IGF2R: variants seen among roughly 807,000 people sequenced by gnomAD.
IGF2R encodes cation-independent mannose-6-phosphate receptor.
A neutral mutation model predicts 270.6 loss-of-function variants in IGF2R; 91 were observed. That is an observed-to-expected ratio of 0.34 (90% CI 0.28 to 0.40). The LOEUF is 0.40. IGF2R is among the 10% of genes least tolerant of loss of function. The pLI, the probability that IGF2R is intolerant of heterozygous loss-of-function variation, is 1.00. For synonymous variants in IGF2R, 1,316 were observed against 1,258.9 expected (o/e 1.05, Z -0.96); for missense variants, 2,805 against 3,188.3 (o/e 0.88, Z 2.90).
intron 6 of IGF2R, among the ~76,000 whole-genome samples, chr6:160,028,582 G>A (rs1254037430): frequency 6.6e-6 from 1 of 152,234 alleles, no homozygotes; most frequent in Non-Finnish European, 1.5e-5. Flanking sequence ...CTATTCTCTA[G>A]CAGGCAGCCA....
At chr6:160,082,727 C>CT (rs1446696914) in intron 39 of IGF2R, among the ~76,000 whole-genome samples, 1 of 152,218 alleles carries the variant, frequency 6.6e-6, no homozygotes, top group Non-Finnish European at 1.5e-5. Flanking sequence ...TGCCAAGGAG[C>CT]TGGGTCTATT....
At chr6:160,016,653 T>A (rs555748497) in intron 4 of IGF2R, among the ~76,000 whole-genome samples, 1 of 152,292 alleles carries the variant, frequency 6.6e-6, no homozygotes, top group East Asian at 1.9e-4. Context: ...TCAGTTACCA[T>A]CATCCCTCAC....
chr6:160,050,644 G>A lies in IGF2R; in HGVS notation c.2686G>A (p.Gly896Ser), dbSNP rs1778175751. 1.9e-6 allele frequency: 3 copies of A among 1,602,992 alleles called. No homozygotes were observed. Among genetic ancestry groups the A allele is most frequent in the East Asian group, 4.5e-5 (2 of 44,516 alleles). ...GAGGATCCATCTCGTCTGCTCCAGG[G>A]GCAGGCTGGTAAGGCACTGCTGCTG... ...TTRIHLVCSRGRLNSHPIFSL... is the reference protein window; with the variant it reads ...TTRIHLVCSRSRLNSHPIFSL... The change falls in exon 19 of 48, where the codon GGC (glycine) becomes AGC (serine). Residue 896 changes from glycine to serine, a missense_variant. Around this residue, in one of 2 missense-constraint regions of IGF2R, gnomAD observed 1,851 missense variants for 2,207.2 expected, o/e 0.84. Transcript: ENST00000356956. This position sits in a 1 kb window ranked among gnomAD's most constrained non-coding sequence, Gnocchi z 4.0.
At chr6:160,068,105 T>A (rs1015027072) in intron 29 of IGF2R, 144 bp from the exon 30 acceptor site, 4 of 657,710 alleles carry the variant, frequency 6.1e-6, no homozygotes, top group Admixed American at 2.6e-5. Flanking sequence ...TGTGTGTGTG[T>A]GTGACAGAGA....
intron 4 of IGF2R, among the ~76,000 whole-genome samples, chr6:160,019,784 A>G (rs1777390583): frequency 6.6e-6 from 1 of 152,314 alleles, no homozygotes; most frequent in African/African-American, 2.4e-5. Flanking sequence ...GACAACACTC[A>G]AAAAATATTA....
In IGF2R at chr6:160,060,584, T is replaced by G. The variant is rs1261550813; in HGVS notation, c.3129T>G (p.Asn1043Lys). 1 of 1,614,274 alleles carries G rather than the reference T, an allele frequency of 6.2e-7. No homozygotes were observed. The highest frequency in any genetic ancestry group is 8.5e-7 in the Non-Finnish European group (1 of 1,180,048). The change falls in exon 23 of 48, where the codon AAT becomes AAG. Residue 1043 changes from asparagine (N) to lysine (K), a missense_variant. This residue lies in a region of IGF2R where 1,851 missense variants were observed against 2,207.2 expected (regional missense o/e 0.84). Transcript: ENST00000356956. Reference protein sequence around the residue: ...ADAFIVRFVCNDDVYSGPLKF... With the variant: ...ADAFIVRFVCKDDVYSGPLKF... ...CTTTTATCGTCCGCTTTGTTTGCAATGATGATGTTTACTCAGGGCCCCTCA... is the reference window on the plus strand; with the variant it reads ...CTTTTATCGTCCGCTTTGTTTGCAAGGATGATGTTTACTCAGGGCCCCTCA...
At chr6:160,025,896 C>T (rs1457190802) in intron 5 of IGF2R, among the ~76,000 whole-genome samples, 1 of 152,208 alleles carries the variant, frequency 6.6e-6, no homozygotes, top group African/African-American at 2.4e-5. Context: ...TACAGATCAT[C>T]TGAATTTGCT....
Position 160,085,122 on chromosome 6 carries a change from G to A in IGF2R, c.6196G>A (p.Gly2066Ser), listed in dbSNP as rs143509112. 43 of 1,613,180 alleles carry A rather than the reference G, an allele frequency of 2.7e-5. No individual in the cohort carries two copies. Among genetic ancestry groups the A allele is most frequent in the Non-Finnish European group, 3.3e-5 (39 of 1,179,812 alleles). Residue 2066 changes from glycine to serine, a missense_variant, in exon 41 of 48, where the codon GGT becomes AGT. Gly to Ser is a moderately conservative substitution (Grantham distance 56, BLOSUM62 0). This residue lies in a region of IGF2R where 1,851 missense variants were observed against 2,207.2 expected (regional missense o/e 0.84). Coordinates refer to ENST00000356956, the MANE Select transcript of IGF2R (RefSeq NM_000876.4). Reference sequence around the variant, plus strand: ...GGGACTCGTTCACACGCAGAAGCTGGGTGTCATAGGTAAGGCCTGTGGGTC... The same window carrying A: ...GGGACTCGTTCACACGCAGAAGCTGAGTGTCATAGGTAAGGCCTGTGGGTC... Reference protein sequence around the residue: ...VLGLVHTQKLGVIGDKVVVTY... With the variant: ...VLGLVHTQKLSVIGDKVVVTY...
chr6:160,001,654 A>G (rs1181888399), intron 2 of IGF2R, among the ~76,000 whole-genome samples: 2 of 152,136 alleles, frequency 1.3e-5, no homozygotes, highest in African/African-American at 4.8e-5. Flanking sequence ...TTTAAACAAT[A>G]TTACATTATT....
chr6:160,066,547 G>A (rs1378556637), intron 29 of IGF2R, among the ~76,000 whole-genome samples: 1 of 152,148 alleles, frequency 6.6e-6, no homozygotes, highest in Non-Finnish European at 1.5e-5. Flanking sequence ...TATGTCTATT[G>A]TAATTGAGAG....
chr6:160,058,729 C>G (rs1000463701), intron 21 of IGF2R, among the ~76,000 whole-genome samples, 177 bp from the exon 22 acceptor site: 1 of 152,178 alleles, frequency 6.6e-6, no homozygotes, highest in Non-Finnish European at 1.5e-5. Flanking sequence ...TTTATAGATA[C>G]TGCCCTTTGG....
In IGF2R at chr6:160,104,773, G is replaced by A. The variant is rs368895158; in HGVS notation, c.7165G>A (p.Gly2389Ser). Residue 2389 changes from glycine (G) to serine (S), a missense_variant, in exon 48 of 48, where the codon GGC becomes AGC. This residue lies in a region of IGF2R where 1,851 missense variants were observed against 2,207.2 expected (regional missense o/e 0.84). Coordinates refer to ENST00000356956, the MANE Select transcript of IGF2R (RefSeq NM_000876.4). The part of the protein sequence containing the change: ...PRQGKEGQEN[G>S]HITTKSVKAL... ...GCAGGGAAAGGAAGGGCAGGAGAACGGCCATATTACCACCAAGTCAGTGAA... is the reference window on the plus strand; with the variant it reads ...GCAGGGAAAGGAAGGGCAGGAGAACAGCCATATTACCACCAAGTCAGTGAA... 5 of 1,614,132 alleles carry A rather than the reference G, an allele frequency of 3.1e-6. No homozygotes were observed. Among genetic ancestry groups the A allele is most frequent in the South Asian group, 2.2e-5 (2 of 91,074 alleles).
At chr6:160,100,693 T>C (rs1461868512) in intron 45 of IGF2R, among the ~76,000 whole-genome samples, 3 of 139,416 alleles carry the variant, frequency 2.2e-5, no homozygotes, top group East Asian at 4.2e-4. Flanking sequence ...TAGCAAAAAT[T>C]AACCACAAAG....
At position 160,105,056 on chromosome 6, in the gene IGF2R, A is replaced by G; in HGVS notation, c.7448A>G (p.Asp2483Gly). ...SSTKLVSFHD[D>G]SDEDLLHI ...ACCAAGCTGGTGTCCTTCCATGACG[A>G]CAGCGACGAGGACCTCTTACACATC... Residue 2483 changes from aspartate (D) to glycine (G), a missense_variant, in exon 48 of 48, where the codon GAC (aspartate) becomes GGC (glycine). Transcript: ENST00000356956. 6.2e-7 allele frequency: 1 copy of G among 1,603,178 alleles called. No homozygotes were observed. The highest frequency in any genetic ancestry group is 1.7e-5 in the Admixed American group (1 of 58,664).
intron 30 of IGF2R, among the ~76,000 whole-genome samples, 190 bp from the exon 31 acceptor site, chr6:160,069,678 T>C (rs1778672440): frequency 6.6e-6 from 1 of 152,222 alleles, no homozygotes. Flanking sequence ...CAAAACAGCA[T>C]GTAAGTGAGT....
rs1231990796 is a variant in IGF2R, at chr6:160,062,556, G to A, written c.3607G>A (p.Asp1203Asn). Reference protein sequence around the residue: ...ISGSPAFQLQDGCEYVFIWRT... With the variant: ...ISGSPAFQLQNGCEYVFIWRT... ...GGGCTCACCAGCATTTCAGCTTCAG[G>A]ATGGTTGTGAGTACGTGTTTATCTG... The change falls in exon 26 of 48, where the codon GAT becomes AAT. Residue 1203 changes from aspartate to asparagine, a missense_variant. Around this residue, in one of 2 missense-constraint regions of IGF2R, gnomAD observed 1,851 missense variants for 2,207.2 expected, o/e 0.84. Coordinates refer to ENST00000356956, the MANE Select transcript of IGF2R (RefSeq NM_000876.4). 1 of 1,613,766 alleles carries A rather than the reference G, an allele frequency of 6.2e-7. No individual in the cohort carries two copies. The highest frequency in any genetic ancestry group is 1.3e-5 in the African/African-American group (1 of 74,916).
intron 29 of IGF2R, among the ~76,000 whole-genome samples, chr6:160,067,852 C>T (rs1463618536): frequency 6.6e-6 from 1 of 152,184 alleles, no homozygotes; most frequent in African/African-American, 2.4e-5. Context: ...TGCGGCTGCC[C>T]CGGGCATGGC....
At chr6:160,103,539 A>C (rs188224560) in intron 46 of IGF2R, among the ~76,000 whole-genome samples, 1 of 152,250 alleles carries the variant, frequency 6.6e-6, no homozygotes, top group East Asian at 1.9e-4. Flanking sequence ...TGGATTCCAA[A>C]GCCCATCTTC....
At chr6:160,038,961 T>C (rs573582503) in intron 10 of IGF2R, among the ~76,000 whole-genome samples, 2 of 152,336 alleles carry the variant, frequency 1.3e-5, no homozygotes, top group African/African-American at 4.8e-5. Context: ...TTTTTAGTTA[T>C]GAAACCATAA....
Sources: gnomAD v4.1 joint callset for allele counts (sites outside exome capture counted in the v4.1 genomes callset) on GRCh38, gnomAD v4.1.1 for gene constraint, gnomAD v4.1.1 regional missense constraint, Gnocchi (gnomAD v3.1) non-coding constraint, MANE v1.5 for transcripts, NCBI Gene and HGNC (gene_info 2026-07-23, HGNC 2026-07-21) for gene names.